The following JDP2 variants were observed in gnomAD, a reference collection of about 807,000 sequenced individuals.
JDP2 encodes progesterone receptor co-activator.
In JDP2, 9 loss-of-function variants were observed where a neutral mutation model predicts 17.1. The observed-to-expected ratio is 0.53, with a 90% CI of 0.32 to 0.92. JDP2 has a LOEUF of 0.92. JDP2 is among the 40% of genes least tolerant of loss of function. The probability of loss-of-function intolerance (pLI) is 0.04; values close to 1 mark genes in which losing one functional copy is unlikely to be tolerated. For synonymous variants in JDP2, 107 were observed against 95.6 expected (o/e 1.12, Z -0.69); for missense variants, 179 against 220.0 (o/e 0.81, Z 1.18).
At chr14:75,451,498 T>G (rs116207294) in intron 2 of JDP2, among the ~76,000 whole-genome samples, 6 of 152,066 alleles carry the variant, frequency 3.9e-5, no homozygotes, top group Non-Finnish European at 8.8e-5. Flanking sequence ...CAAATCCAGA[T>G]TTGGTTGGCA....
At chr14:75,431,353 A>G (rs532024985) in intron 1 of JDP2, among the ~76,000 whole-genome samples, 86 of 152,356 alleles carry the variant, frequency 5.6e-4, no homozygotes, top group African/African-American at 2.0e-3. Flanking sequence ...GGTTGGTTCC[A>G]GGTTCTTCTA....
At chr14:75,455,460 C>T (rs1417523211) in intron 2 of JDP2, among the ~76,000 whole-genome samples, 1 of 152,180 alleles carries the variant, frequency 6.6e-6, no homozygotes, top group African/African-American at 2.4e-5. Context: ...GATCCATTCC[C>T]GTTTTACCCT....
At chr14:75,429,303 C>T (rs1884680469) in intron 1 of JDP2, among the ~76,000 whole-genome samples, 3 of 152,138 alleles carry the variant, frequency 2.0e-5, no homozygotes. Context: ...GGCTATGGCC[C>T]GACCACGTGT....
rs1884647606 is a variant in JDP2 at position 75,428,602 on chromosome 14, G to T, written c.-24+350G>T. On this transcript the variant is annotated intron_variant, in intron 1 of 3. Transcript: ENST00000651602. This position sits in a 1 kb window ranked among gnomAD's most constrained non-coding sequence, Gnocchi z 5.6. ...GTGCTCTCCTCGGGCGGCGGGGAAGGCGGGGTGAGTGGGGAGAAAAGTGCC... is the reference window on the plus strand; with the variant it reads ...GTGCTCTCCTCGGGCGGCGGGGAAGTCGGGGTGAGTGGGGAGAAAAGTGCC... 1.3e-5 allele frequency: 2 copies of T among 152,422 alleles called. 1 individual carries two copies. The allele number at this position is 152,422 out of a possible 1,614,324, so 9.4% of individuals were successfully genotyped here. A position where few individuals can be genotyped will look rare whatever the true frequency, so the allele number is the denominator to read the frequency against.
chr14:75,441,504 A>G (rs1885350751), intron 2 of JDP2, among the ~76,000 whole-genome samples: 1 of 152,184 alleles, frequency 6.6e-6, no homozygotes, highest in East Asian at 1.9e-4. Flanking sequence ...AAAGCCTTAC[A>G]TCTCTCGGCA....
At position 75,469,454 on chromosome 14, in the gene JDP2, C is replaced by T. The variant is rs779065772; in HGVS notation, c.471C>T (p.Leu157=). The T allele has an allele frequency of 4.3e-6, 7 of 1,613,506 alleles. No individual in the cohort carries two copies. Among genetic ancestry groups the T allele is most frequent in the African/African-American group, 1.3e-5 (1 of 74,936 alleles). The change falls in exon 4 of 4, where the codon CTC becomes CTT. Residue 157 remains leucine (L), a synonymous_variant. Transcript: ENST00000651602. ...CCGAGTCAGAAGGCAACCCACTGCTCGAGCAGCTCGAGAAGAAGTGACCAT... is the reference window on the plus strand; with the variant it reads ...CCGAGTCAGAAGGCAACCCACTGCTTGAGCAGCTCGAGAAGAAGTGACCAT... ...KTPESEGNPL[L]EQLEKK
intron 2 of JDP2, among the ~76,000 whole-genome samples, chr14:75,458,040 C>T (rs1008467062): frequency 5.3e-5 from 8 of 152,164 alleles, no homozygotes; most frequent in African/African-American, 1.7e-4. Context: ...TACCAGGTGC[C>T]GGGAATGCTC....
intron 3 of JDP2, among the ~76,000 whole-genome samples, chr14:75,467,872 T>C (rs928759452): frequency 2.0e-5 from 3 of 152,194 alleles, no homozygotes; most frequent in African/African-American, 7.2e-5. Context: ...CATTTTTTTT[T>C]CCTTTAGTGA....
chr14:75,463,124 C>T (rs951062174), intron 3 of JDP2, among the ~76,000 whole-genome samples: 24 of 152,230 alleles, frequency 1.6e-4, no homozygotes, highest in African/African-American at 4.8e-4. Flanking sequence ...TACGCCCTAG[C>T]GGACAGCATG....
At chr14:75,432,942 C>T (rs1361300383) in intron 1 of JDP2, among the ~76,000 whole-genome samples, 1 of 151,920 alleles carries the variant, frequency 6.6e-6, no homozygotes, top group Admixed American at 6.6e-5. Flanking sequence ...TGGCTCACGC[C>T]CGTAATCCCA....
chr14:75,450,223 G>C (rs1455062498), intron 2 of JDP2, among the ~76,000 whole-genome samples: 1 of 152,192 alleles, frequency 6.6e-6, no homozygotes, highest in East Asian at 1.9e-4. Context: ...CAGGCTTTCA[G>C]TTCATACAGA....
intron 2 of JDP2, among the ~76,000 whole-genome samples, chr14:75,452,588 G>T (rs1885912986): frequency 6.6e-6 from 1 of 152,220 alleles, no homozygotes; most frequent in African/African-American, 2.4e-5. Flanking sequence ...GGCTCATGCG[G>T]TGTTCCTTTC....
At chr14:75,468,057 G>C (rs1305101480) in intron 3 of JDP2, among the ~76,000 whole-genome samples, 1 of 152,144 alleles carries the variant, frequency 6.6e-6, no homozygotes, top group African/African-American at 2.4e-5. Context: ...GGGACCCCCT[G>C]GGGAGGCCGC....
rs1884743111 is a variant in JDP2 at position 75,430,400 on chromosome 14, G to C, written c.-24+2148G>C. ...CATTCTTTTCTGCCTTTCTGCTGCA[G>C]GATGCAGTTTGCTTTTTTTCCATGC... On this transcript the variant is annotated intron_variant, in intron 1 of 3. Transcript: ENST00000651602. This position sits in a 1 kb window ranked among gnomAD's most constrained non-coding sequence, Gnocchi z 4.5. 6.6e-6 allele frequency among the ~76,000 whole-genome samples: 1 copy of C among 152,206 alleles called. No individual in the cohort carries two copies. Among genetic ancestry groups the C allele is most frequent in the Non-Finnish European group, 1.5e-5 (1 of 68,038 alleles).
At chr14:75,448,516 T>A (rs1220712507) in intron 2 of JDP2, among the ~76,000 whole-genome samples, 1 of 152,170 alleles carries the variant, frequency 6.6e-6, no homozygotes, top group Non-Finnish European at 1.5e-5. Flanking sequence ...AACACCTATC[T>A]CAAGCTTCCT....
intron 1 of JDP2, among the ~76,000 whole-genome samples, chr14:75,436,350 C>T (rs12589891): frequency 0.085 from 12,922 of 152,204 alleles, 1,204 homozygotes; most frequent in African/African-American, 0.22. Context: ...AAGTATTGTC[C>T]GATGGACATC....
chr14:75,431,074 G>A lies in JDP2; in HGVS notation c.-24+2822G>A, dbSNP rs568684626. Among the ~76,000 whole-genome samples, 35 of 152,284 alleles carry A rather than the reference G, an allele frequency of 2.3e-4. 1 individual carries two copies. In the East Asian group the frequency reaches 2.7e-3, roughly 12 times the overall value. ...AAGACCAGGGCGATTATCACACCTT[G>A]TGTGTGTGTCTGTATTAGGTGTGGT... On this transcript the variant is annotated intron_variant, in intron 1 of 3. Transcript: ENST00000651602.
At chr14:75,452,434 C>A (rs1885905158) in intron 2 of JDP2, among the ~76,000 whole-genome samples, 1 of 152,098 alleles carries the variant, frequency 6.6e-6, no homozygotes, top group African/African-American at 2.4e-5. Flanking sequence ...GGAGAGGTGA[C>A]CTGATTGACT....
intron 3 of JDP2, among the ~76,000 whole-genome samples, chr14:75,465,440 T>A (rs1886528938): frequency 6.6e-6 from 1 of 152,164 alleles, no homozygotes; most frequent in South Asian, 2.1e-4. Context: ...CAAGTGATCC[T>A]CCCACCTCAG....
Sources: allele counts gnomAD v4.1 joint callset (sites outside exome capture counted in the v4.1 genomes callset), GRCh38; gene constraint gnomAD v4.1.1; non-coding constraint Gnocchi (gnomAD v3.1); transcripts MANE v1.5; gene names NCBI Gene and HGNC (gene_info 2026-07-23, HGNC 2026-07-21).